Variants in CTBP2 observed in about 807,000 individuals in gnomAD.
The protein encoded by CTBP2 is C-terminal binding protein 2, also known as C-terminal-binding protein 2.
CTBP2 carries 30 observed loss-of-function variants against 80.3 expected under a neutral mutation model. That is an observed-to-expected ratio of 0.37 (90% CI 0.28 to 0.51). The LOEUF (loss-of-function observed/expected upper bound fraction) is 0.51, where lower values mean the gene tolerates loss of function less well. CTBP2 is among the 20% of genes least tolerant of loss of function. The pLI, the probability that CTBP2 is intolerant of heterozygous loss-of-function variation, is 0.93. For synonymous variants in CTBP2, 594 were observed against 587.4 expected, an observed-to-expected ratio of 1.01 and a Z score of -0.16; for missense variants, 1,212 against 1,375.3, an observed-to-expected ratio of 0.88 and a Z score of 1.88.
chr10:125,017,908 T>C (rs1197266498), intron 1 of CTBP2, among the ~76,000 whole-genome samples: 1 of 152,072 alleles, frequency 6.6e-6, no homozygotes, highest in Non-Finnish European at 1.5e-5. Flanking sequence ...GTGTTACCCA[T>C]GGGAAGCGAG....
At chr10:125,106,290 C>G (rs1421225569) in intron 2 of CTBP2, among the ~76,000 whole-genome samples, 1 of 152,330 alleles carries the variant, frequency 6.6e-6, no homozygotes, top group East Asian at 1.9e-4. Flanking sequence ...CCTGAGAAAG[C>G]TTCCAGGAAT....
At chr10:125,036,474 C>G (rs1958878336) in intron 3 of CTBP2, among the ~76,000 whole-genome samples, 2 of 150,748 alleles carry the variant, frequency 1.3e-5, no homozygotes, top group South Asian at 4.2e-4. Flanking sequence ...CACAGCAGAA[C>G]ATGGCAGCTT....
At chr10:125,096,154 T>C (rs370302181) in intron 2 of CTBP2, among the ~76,000 whole-genome samples, 2 of 152,312 alleles carry the variant, frequency 1.3e-5, no homozygotes, top group South Asian at 2.1e-4. Context: ...AAATAAGACA[T>C]GTTTGCATTC....
rs542539000 is a variant in CTBP2 at position 125,080,299 on chromosome 10, C to A, written c.-102+30691G>T. On this transcript the variant is annotated intron_variant, in intron 2 of 10. Coordinates refer to the CTBP2 transcript ENST00000337195. ...TTGGATTAGGGGTAAAAAAAAAACA[C>A]ACACCCACACCGTCAACCAAGACAT... 4.3e-3 allele frequency among the ~76,000 whole-genome samples: 654 copies of A among 151,392 alleles called. 3 individuals carry two copies. Among genetic ancestry groups the A allele is most frequent in the African/African-American group, 0.014 (577 of 41,134 alleles).
At chr10:125,088,039 G>A (rs914774206) in intron 2 of CTBP2, among the ~76,000 whole-genome samples, 23 of 152,104 alleles carry the variant, frequency 1.5e-4, no homozygotes, top group African/African-American at 5.3e-4. Context: ...TCAAGGCACA[G>A]CTCACATCCG....
At chr10:125,110,316 G>T (rs1852090275) in intron 2 of CTBP2, among the ~76,000 whole-genome samples, 1 of 152,162 alleles carries the variant, frequency 6.6e-6, no homozygotes, top group South Asian at 2.1e-4. Flanking sequence ...CTTTAAGAAA[G>T]ATCCAGGTTT....
intron 1 of CTBP2, chr10:125,005,674 G>A (rs1481382635): frequency 1.9e-6 from 3 of 1,612,904 alleles, no homozygotes; most frequent in East Asian, 2.2e-5. Context: ...GCTCCCACCT[G>A]GGCTCCTGTT....
chr10:125,001,697 T>A (rs903504686), intron 3 of CTBP2, among the ~76,000 whole-genome samples: 21 of 152,144 alleles, frequency 1.4e-4, no homozygotes, highest in African/African-American at 5.1e-4. Context: ...CCCACCCCAC[T>A]GCGTCCTGAC....
At chr10:125,090,397 A>T (rs1848598220) in intron 2 of CTBP2, among the ~76,000 whole-genome samples, 1 of 151,786 alleles carries the variant, frequency 6.6e-6, no homozygotes, top group Admixed American at 6.6e-5. Flanking sequence ...TTACAGACTT[A>T]AGATATTTTA....
intron 1 of CTBP2, among the ~76,000 whole-genome samples, chr10:125,144,013 G>A (rs954071871): frequency 2.6e-5 from 4 of 152,130 alleles, no homozygotes; most frequent in Non-Finnish European, 5.9e-5. Context: ...GCACCCAGAC[G>A]CTCCCCAGAA....
upstream of CTBP2, among the ~76,000 whole-genome samples, chr10:125,028,182 A>C (rs1957850592): frequency 6.6e-6 from 1 of 152,188 alleles, no homozygotes; most frequent in Admixed American, 6.5e-5. Context: ...TGCTCTATCC[A>C]GCCCTCCCAA....
intron 2 of CTBP2, among the ~76,000 whole-genome samples, chr10:125,085,938 C>T (rs928524720): frequency 2.6e-5 from 4 of 152,230 alleles, no homozygotes; most frequent in African/African-American, 9.6e-5. Context: ...GGGCCACAAC[C>T]GCACTGGCTC....
chr10:124,994,509 T>A lies in CTBP2; in HGVS notation c.2360A>T (p.Glu787Val). 1 of 1,614,004 alleles carries A rather than the reference T, an allele frequency of 6.2e-7. No homozygotes were observed. The highest frequency in any genetic ancestry group is 8.5e-7 in the Non-Finnish European group (1 of 1,179,880). ...GTCATTGATGAGGTGGTGGTTATGT[T>A]CGTTGAGATTGCAGTGCAAGGAGAC... The change falls in exon 5 of 9, where the codon GAA becomes GTA. Residue 787 changes from glutamate to valine, a missense_variant. Around this residue, in one of 3 missense-constraint regions of CTBP2, gnomAD observed 335 missense variants for 504.7 expected, o/e 0.66. Transcript: ENST00000309035.
chr10:124,991,906 GT>G (rs1952690809), intron 8 of CTBP2, among the ~76,000 whole-genome samples: 1 of 140,504 alleles, frequency 7.1e-6, no homozygotes, highest in Non-Finnish European at 1.6e-5. Flanking sequence ...GGGGGGGGGT[GT>G]GGGAGAAAAC....
At chr10:125,068,128 GC>G (rs1844928324) in intron 2 of CTBP2, among the ~76,000 whole-genome samples, 1 of 152,166 alleles carries the variant, frequency 6.6e-6, no homozygotes, top group East Asian at 1.9e-4. Flanking sequence ...ATTTCACCAT[GC>G]GGCCCAGGCC....
intron 1 of CTBP2, among the ~76,000 whole-genome samples, chr10:125,141,950 C>A (rs918712122): frequency 6.6e-6 from 1 of 152,134 alleles, no homozygotes; most frequent in African/African-American, 2.4e-5. Flanking sequence ...CTGGAGCCAG[C>A]GGCTATGGCG....
intron 2 of CTBP2, among the ~76,000 whole-genome samples, chr10:125,106,036 C>T (rs1851397655): frequency 6.6e-6 from 1 of 152,212 alleles, no homozygotes; most frequent in Admixed American, 6.5e-5. Context: ...GAGAAATCAG[C>T]CGCTGACCCG....
chr10:125,123,477 T>C (rs1477248580), intron 1 of CTBP2, among the ~76,000 whole-genome samples: 1 of 152,240 alleles, frequency 6.6e-6, no homozygotes, highest in East Asian at 1.9e-4. Context: ...ATTCTGTATG[T>C]GAATCTGCAA....
intron 2 of CTBP2, among the ~76,000 whole-genome samples, chr10:125,077,453 C>T (rs1337595508): frequency 1.3e-5 from 2 of 152,062 alleles, no homozygotes; most frequent in Non-Finnish European, 2.9e-5. Context: ...GGACTGGAGA[C>T]GGGGAAGGAA....
Sources: allele counts gnomAD v4.1 joint callset (sites outside exome capture counted in the v4.1 genomes callset), GRCh38; gene constraint gnomAD v4.1.1; regional missense constraint gnomAD v4.1.1; transcripts MANE v1.5; gene names NCBI Gene and HGNC (gene_info 2026-07-23, HGNC 2026-07-21).